PHACTR1: variants seen among roughly 807,000 people sequenced by gnomAD.
The protein encoded by PHACTR1 is phosphatase and actin regulator 1.
A neutral mutation model predicts 69.2 loss-of-function variants in PHACTR1; 16 were observed. The ratio of observed to expected loss-of-function variants is 0.23; its 90% CI spans 0.16 to 0.35. The LOEUF is 0.35. PHACTR1 is among the 10% of genes least tolerant of loss of function. PHACTR1 has a pLI of 1.00. For missense variants in PHACTR1, 510 were observed against 734.7 expected, an observed-to-expected ratio of 0.69 and a Z score of 3.54; for synonymous variants, 312 against 284.5, an observed-to-expected ratio of 1.10 and a Z score of -0.97.
chr6:12,861,870 A>T (rs1202892400), intron 4 of PHACTR1, among the ~76,000 whole-genome samples: 1 of 152,222 alleles, frequency 6.6e-6, no homozygotes, highest in African/African-American at 2.4e-5. Context: ...ATAAATACAT[A>T]TATACACAAA....
At chr6:13,232,073 C>G (rs1771311112) in intron 10 of PHACTR1, among the ~76,000 whole-genome samples, 1 of 152,194 alleles carries the variant, frequency 6.6e-6, no homozygotes, top group Non-Finnish European at 1.5e-5. Flanking sequence ...GTCACTTATT[C>G]TCCTTACCTG....
intron 4 of PHACTR1, among the ~76,000 whole-genome samples, chr6:13,009,876 C>T (rs1026153086): frequency 5.3e-5 from 8 of 151,630 alleles, no homozygotes; most frequent in African/African-American, 1.7e-4. Flanking sequence ...ACCACCACCA[C>T]CACCACCACC....
chr6:12,982,346 A>G (rs754665768), intron 4 of PHACTR1, among the ~76,000 whole-genome samples: 1 of 152,194 alleles, frequency 6.6e-6, no homozygotes, highest in African/African-American at 2.4e-5. Flanking sequence ...TGAGACATGA[A>G]TGACTTTTCT....
chr6:12,933,340 A>G (rs1053444304), intron 4 of PHACTR1, among the ~76,000 whole-genome samples: 2 of 152,358 alleles, frequency 1.3e-5, no homozygotes, highest in South Asian at 4.1e-4. Flanking sequence ...AAATAACTGC[A>G]TACAGAAGAA....
intron 5 of PHACTR1, among the ~76,000 whole-genome samples, chr6:13,103,065 T>C (rs1815447601): frequency 6.6e-6 from 1 of 152,220 alleles, no homozygotes. Flanking sequence ...ATTCATTTTA[T>C]GATACCATCA....
chr6:13,117,995 T>G (rs994435538), intron 5 of PHACTR1, among the ~76,000 whole-genome samples: 1 of 152,262 alleles, frequency 6.6e-6, no homozygotes, highest in Non-Finnish European at 1.5e-5. Flanking sequence ...AATCTCATAT[T>G]ACTTTCCTCC....
At chr6:12,786,127 C>G (rs1034758604) in intron 4 of PHACTR1, among the ~76,000 whole-genome samples, 3 of 152,168 alleles carry the variant, frequency 2.0e-5, no homozygotes, top group African/African-American at 4.8e-5. Flanking sequence ...GTGAATGGGA[C>G]CTTTGTAGTA....
intron 4 of PHACTR1, among the ~76,000 whole-genome samples, chr6:12,823,893 A>G (rs1776486729): frequency 6.6e-6 from 1 of 152,122 alleles, no homozygotes; most frequent in Non-Finnish European, 1.5e-5. Flanking sequence ...CCACATATTG[A>G]TTTCATACAT....
intron 7 of PHACTR1, among the ~76,000 whole-genome samples, chr6:13,196,130 C>T (rs1251213407): frequency 1.3e-5 from 2 of 152,078 alleles, no homozygotes; most frequent in Non-Finnish European, 2.9e-5. Context: ...CTGTGTGTTT[C>T]CCAGCAGGAG....
chr6:13,050,262 GTGT>G (rs553952084), intron 4 of PHACTR1, among the ~76,000 whole-genome samples: 63 of 152,296 alleles, frequency 4.1e-4, no homozygotes, highest in Middle Eastern at 3.4e-3. Flanking sequence ...TGTCGTAGCT[GTGT>G]TGTTGTTATT....
intron 4 of PHACTR1, among the ~76,000 whole-genome samples, chr6:13,033,187 A>G (rs1802731616): frequency 1.3e-5 from 2 of 152,214 alleles, no homozygotes; most frequent in African/African-American, 2.4e-5. Context: ...AATTGCCTTT[A>G]AACTCTCTTA....
chr6:12,887,220 T>C lies in PHACTR1; in HGVS notation c.250+137430T>C, dbSNP rs555122487. ...GCTCCTCAGGTTCCACTCCAATTGT[T>C]CTTCTCCTCGGGGAATCCTCTGCTC... On this transcript the variant is annotated intron_variant, in intron 4 of 14. Transcript: ENST00000332995. Among the ~76,000 whole-genome samples the C allele has an allele frequency of 3.9e-5, 6 of 152,322 alleles. No homozygotes were observed. In the East Asian group the frequency reaches 1.2e-3, roughly 29 times the overall value.
intron 4 of PHACTR1, among the ~76,000 whole-genome samples, chr6:12,871,677 T>C (rs888943815): frequency 3.9e-5 from 6 of 152,214 alleles, no homozygotes; most frequent in Admixed American, 3.3e-4. Flanking sequence ...TGTTTGGTGA[T>C]GTGAAGGTTG....
At chr6:13,135,310 G>A (rs1413411251) in intron 5 of PHACTR1, among the ~76,000 whole-genome samples, 6 of 152,198 alleles carry the variant, frequency 3.9e-5, no homozygotes, top group Non-Finnish European at 7.3e-5. Flanking sequence ...GTTTCTGGGA[G>A]GCTGGTGTAT....
intron 4 of PHACTR1, among the ~76,000 whole-genome samples, chr6:12,905,608 G>C (rs1307052615): frequency 6.6e-6 from 1 of 152,140 alleles, no homozygotes; most frequent in Non-Finnish European, 1.5e-5. Flanking sequence ...ACTAAAACAG[G>C]CTCAGGAGGG....
intron 4 of PHACTR1, among the ~76,000 whole-genome samples, chr6:12,918,549 G>A (rs576494086): frequency 3.9e-5 from 6 of 152,230 alleles, no homozygotes; most frequent in East Asian, 1.9e-4. Flanking sequence ...AGATGCCATC[G>A]TTATCATTGT....
intron 10 of PHACTR1, among the ~76,000 whole-genome samples, chr6:13,238,545 T>C (rs1584159068): frequency 6.6e-6 from 1 of 152,250 alleles, no homozygotes; most frequent in Non-Finnish European, 1.5e-5. Flanking sequence ...CCAAGGATTA[T>C]GCGCTGCTTT....
At chr6:13,009,948 G>A (rs548081658) in intron 4 of PHACTR1, among the ~76,000 whole-genome samples, 1 of 149,664 alleles carries the variant, frequency 6.7e-6, no homozygotes, top group Non-Finnish European at 1.5e-5. Flanking sequence ...CTGCATATAC[G>A]CCATCTCTTC....
chr6:12,971,892 G>C (rs1794255963), intron 4 of PHACTR1, among the ~76,000 whole-genome samples: 1 of 152,184 alleles, frequency 6.6e-6, no homozygotes, highest in Admixed American at 6.5e-5. Flanking sequence ...TAATGATGCA[G>C]ATACAAGCCT....
Sources: gnomAD v4.1 joint callset for allele counts (sites outside exome capture counted in the v4.1 genomes callset) on GRCh38, gnomAD v4.1.1 for gene constraint, MANE v1.5 for transcripts, NCBI Gene and HGNC (gene_info 2026-07-23, HGNC 2026-07-21) for gene names.